The following SNAP91 variants were observed in gnomAD, a reference collection of about 807,000 sequenced individuals.
SNAP91 encodes synaptosome associated protein 91.
SNAP91 carries 27 observed loss-of-function variants against 100.3 expected under a neutral mutation model. That is an observed-to-expected ratio of 0.27 (90% confidence interval 0.20 to 0.37). SNAP91 has a LOEUF of 0.37. Among genes scored for constraint, SNAP91 ranks in the 10% least tolerant of loss-of-function variants. The pLI, the probability that SNAP91 is intolerant of heterozygous loss-of-function variation, is 1.00. For synonymous variants in SNAP91, 404 were observed against 398.6 expected (o/e 1.01, Z -0.16); for missense variants, 986 against 1,123.7 (o/e 0.88, Z 1.75).
intron 9 of SNAP91, among the ~76,000 whole-genome samples, chr6:83,621,412 T>C (rs541354112): frequency 6.6e-6 from 1 of 152,294 alleles, no homozygotes; most frequent in African/African-American, 2.4e-5. Flanking sequence ...AGAGTGCTAA[T>C]AGATTCTAAT....
At chr6:83,555,755 C>A (rs1166482198) in intron 29 of SNAP91, among the ~76,000 whole-genome samples, 1 of 152,076 alleles carries the variant, frequency 6.6e-6, no homozygotes, top group East Asian at 1.9e-4. Context: ...AATAAAAATA[C>A]AATTATGCAG....
chr6:83,607,486 T>C (rs1351678118), intron 13 of SNAP91, among the ~76,000 whole-genome samples: 1 of 152,182 alleles, frequency 6.6e-6, no homozygotes, highest in Non-Finnish European at 1.5e-5. Flanking sequence ...ATTTCCTTTC[T>C]CAGTTTGTGA....
chr6:83,622,768 TC>T (rs1349424161), intron 9 of SNAP91, among the ~76,000 whole-genome samples: 1 of 151,530 alleles, frequency 6.6e-6, no homozygotes, highest in East Asian at 1.9e-4. Context: ...CTAGATGGGC[TC>T]CAGAAAAATT....
At chr6:83,688,112 A>G (rs564655326) in intron 2 of SNAP91, among the ~76,000 whole-genome samples, 26 of 152,272 alleles carry the variant, frequency 1.7e-4, no homozygotes, top group African/African-American at 5.3e-4. Context: ...CTTACATTTC[A>G]TATATGACCC....
At chr6:83,621,703 G>C (rs376791569) in intron 9 of SNAP91, among the ~76,000 whole-genome samples, 2 of 152,184 alleles carry the variant, frequency 1.3e-5, no homozygotes, top group South Asian at 2.1e-4. Flanking sequence ...GTAGTCATTT[G>C]AATATTTCCT....
chr6:83,704,653 AT>A (rs2099356574), intron 2 of SNAP91, among the ~76,000 whole-genome samples: 1 of 151,944 alleles, frequency 6.6e-6, no homozygotes, highest in Non-Finnish European at 1.5e-5. Flanking sequence ...TTAAATACAT[AT>A]TTCATAAGGA....
chr6:83,638,050 G>A (rs1439181132), intron 8 of SNAP91, among the ~76,000 whole-genome samples: 1 of 152,206 alleles, frequency 6.6e-6, no homozygotes, highest in African/African-American at 2.4e-5. Context: ...GGGCCAGCAG[G>A]TGAGGGGGCA....
chr6:83,575,480 A>G, intron 25 of SNAP91: 1 of 267,236 alleles, frequency 3.7e-6, no homozygotes, highest in Non-Finnish European at 7.0e-6. Context: ...TTTAAGATGC[A>G]CTGATGATGG....
rs141553422 is a variant in SNAP91, at chr6:83,561,788, T to C, written c.2443-841A>G. ...TAGGAGGCTGAGGCAGGAGAATCAC[T>C]TGAGGCCAGGAGTTTAGGACCAGCA... On this transcript the variant is annotated intron_variant, in intron 26 of 29. Coordinates refer to ENST00000369694, the MANE Select transcript of SNAP91 (RefSeq NM_001242792.2). Among the ~76,000 whole-genome samples, 372 of 152,292 alleles carry C rather than the reference T, an allele frequency of 2.4e-3. 1 individual carries two copies. Among genetic ancestry groups the C allele is most frequent in the African/African-American group, 8.8e-3 (364 of 41,558 alleles).
At chr6:83,662,463 C>T in intron 3 of SNAP91, 41 bp from the exon 4 acceptor site, 3 of 832,966 alleles carry the variant, frequency 3.6e-6, no homozygotes, top group Non-Finnish European at 5.3e-6. Flanking sequence ...ATTTTAAAAT[C>T]ATACTTTTAA....
At chr6:83,709,155 G>T (rs1033413345), upstream of SNAP91, 3 of 152,342 alleles carry the variant, frequency 2.0e-5, no homozygotes, top group Admixed American at 2.0e-4. Context: ...GTCAGGTGAC[G>T]GCGGCGGACA....
At chr6:83,704,124 T>C (rs557536773) in intron 2 of SNAP91, among the ~76,000 whole-genome samples, 263 of 141,506 alleles carry the variant, frequency 1.9e-3, no homozygotes, top group African/African-American at 6.0e-3. Flanking sequence ...ACATACAAAA[T>C]AGAAAAAACA....
chr6:83,644,086 C>G (rs1381217926), intron 7 of SNAP91, among the ~76,000 whole-genome samples: 1 of 152,156 alleles, frequency 6.6e-6, no homozygotes, highest in Non-Finnish European at 1.5e-5. Flanking sequence ...ATCCAAATTA[C>G]TTCTCTTTAG....
At chr6:83,690,838 T>C (rs1056962848) in intron 2 of SNAP91, among the ~76,000 whole-genome samples, 3 of 152,086 alleles carry the variant, frequency 2.0e-5, no homozygotes, top group Non-Finnish European at 4.4e-5. Flanking sequence ...TTTCAAAAAA[T>C]ATAAGGAAAA....
intron 8 of SNAP91, among the ~76,000 whole-genome samples, chr6:83,627,114 A>G (rs747495161): frequency 1.9e-4 from 29 of 152,014 alleles, no homozygotes; most frequent in Non-Finnish European, 3.8e-4. Context: ...TGAGATAATT[A>G]CATGGTTTTT....
intron 7 of SNAP91, among the ~76,000 whole-genome samples, chr6:83,646,215 T>A (rs2097911823): frequency 6.6e-6 from 1 of 152,122 alleles, no homozygotes; most frequent in Non-Finnish European, 1.5e-5. Flanking sequence ...GGAGCAGAAG[T>A]TTTTAATTTT....
intron 6 of SNAP91, among the ~76,000 whole-genome samples, 186 bp from the exon 7 acceptor site, chr6:83,657,051 C>T (rs957375156): frequency 6.6e-6 from 1 of 152,054 alleles, no homozygotes; most frequent in African/African-American, 2.4e-5. Context: ...CAATTTAAGT[C>T]AATGAGGTTA....
intron 7 of SNAP91, among the ~76,000 whole-genome samples, chr6:83,647,473 T>A (rs575685705): frequency 6.8e-4 from 104 of 152,334 alleles, no homozygotes; most frequent in African/African-American, 2.5e-3. Flanking sequence ...AGCTTATTGA[T>A]GTGGCAGATT....
chr6:83,611,458 T>C (rs1442044092), intron 11 of SNAP91: 1 of 455,812 alleles, frequency 2.2e-6, no homozygotes, highest in Non-Finnish European at 4.4e-6. Flanking sequence ...CTTCAGTTAG[T>C]GAAAAATGAA....
Sources: allele counts gnomAD v4.1 joint callset (sites outside exome capture counted in the v4.1 genomes callset), GRCh38; gene constraint gnomAD v4.1.1; transcripts MANE v1.5; gene names NCBI Gene and HGNC (gene_info 2026-07-23, HGNC 2026-07-21).